The following MYOM1 variants were observed in gnomAD, a reference collection of about 807,000 sequenced individuals.
The protein encoded by MYOM1 is myomesin 1, also known as myomesin-1.
In MYOM1, 164 loss-of-function variants were observed where a neutral mutation model predicts 205.3. That is an observed-to-expected ratio of 0.80 (90% CI 0.70 to 0.91). The LOEUF (loss-of-function observed/expected upper bound fraction) is 0.91. Among genes scored for constraint, MYOM1 ranks in the 40% least tolerant of loss-of-function variants. The pLI, the probability that MYOM1 is intolerant of heterozygous loss-of-function variation, is 0.00. For missense variants in MYOM1, 2,011 were observed against 2,127.3 expected, an observed-to-expected ratio of 0.95 and a Z score of 1.08; for synonymous variants, 772 against 789.4, an observed-to-expected ratio of 0.98 and a Z score of 0.37.
At chr18:3,195,602 C>T (rs1458253044) in intron 2 of MYOM1, among the ~76,000 whole-genome samples, 1 of 152,078 alleles carries the variant, frequency 6.6e-6, no homozygotes, top group East Asian at 1.9e-4. Context: ...AATTTCTCTC[C>T]TGTTTTTCTG....
chr18:3,189,725 C>T lies in MYOM1; in HGVS notation c.432-638G>A, dbSNP rs752169138. Among the ~76,000 whole-genome samples the T allele has an allele frequency of 7.2e-5, 11 of 152,120 alleles. No homozygotes were observed. Among genetic ancestry groups the T allele is most frequent in the Non-Finnish European group, 1.3e-4 (9 of 68,026 alleles). ...AGTTCAGATAAGTTAGATAACTTGG[C>T]CAAGGTCGTCTCACTGGTTGTCTTA... On this transcript the variant is annotated intron_variant, in intron 3 of 37. Coordinates refer to ENST00000356443, the MANE Select transcript of MYOM1 (RefSeq NM_003803.4). This position sits in a 1 kb window ranked among gnomAD's most constrained non-coding sequence, Gnocchi z 4.8.
intron 36 of MYOM1, 112 bp downstream of exon 36, chr18:3,075,342 A>T: frequency 9.5e-7 from 1 of 1,051,612 alleles, no homozygotes; most frequent in Non-Finnish European, 1.4e-6. Context: ...GATTTAAAAA[A>T]GAAAAAAACC....
intron 17 of MYOM1, 31 bp downstream of exon 17, chr18:3,131,344 T>C (rs555898385): frequency 3.5e-5 from 56 of 1,607,388 alleles, no homozygotes; most frequent in Non-Finnish European, 4.2e-5. Context: ...AATCCATTTT[T>C]CCCCCATACA....
chr18:3,098,348 G>T (rs2079332804), intron 25 of MYOM1, among the ~76,000 whole-genome samples: 1 of 152,042 alleles, frequency 6.6e-6, no homozygotes, highest in Non-Finnish European at 1.5e-5. Context: ...CACGATCTCG[G>T]CTCACTGCAA....
chr18:3,207,422 G>A (rs2081137426), intron 2 of MYOM1, among the ~76,000 whole-genome samples: 1 of 152,194 alleles, frequency 6.6e-6, no homozygotes, highest in African/African-American at 2.4e-5. Context: ...GTCTAAGGTT[G>A]TTTCTTTGTG....
rs1210652980 is a variant in MYOM1 at position 3,160,118 on chromosome 18, TTCC to T, written c.1501+4157_1501+4159del. Among the ~76,000 whole-genome samples the T allele has an allele frequency of 1.1e-3, 144 of 133,098 alleles. 1 individual carries two copies. Among genetic ancestry groups the T allele is most frequent in the African/African-American group, 2.9e-3 (99 of 34,582 alleles). The allele number at this position is 133,098 out of a possible 152,430, so 87.3% of individuals were successfully genotyped here. On this transcript the variant is annotated intron_variant, in intron 10 of 37. Transcript: ENST00000356443. ...TCTCCTCCTCCTTCTTCTTCTTCTC[TTCC>T]TCCTCCTCCTCCTCCTTCCTTTCCC...
intron 8 of MYOM1, among the ~76,000 whole-genome samples, 172 bp from the exon 9 acceptor site, chr18:3,169,153 A>C (rs2080517348): frequency 6.6e-6 from 1 of 152,160 alleles, no homozygotes; most frequent in Non-Finnish European, 1.5e-5. Flanking sequence ...GAACATATGC[A>C]TATATCATTT....
At position 3,135,833 on chromosome 18, in the gene MYOM1, G is replaced by T; in HGVS notation, c.2026-103C>A. ...ATTCATCTGCAACAAACCACTCCCT[G>T]TAATGCAAGCTGGACTGGAGGAGAG... On this transcript the variant is annotated intron_variant, in intron 14 of 37. Coordinates refer to ENST00000356443, the MANE Select transcript of MYOM1 (RefSeq NM_003803.4). The surrounding 1 kb of genome is among the most constrained non-coding windows in gnomAD (Gnocchi z 4.1). 1 of 1,252,432 alleles carries T rather than the reference G, an allele frequency of 8.0e-7. No individual in the cohort carries two copies. The highest frequency in any genetic ancestry group is 1.1e-6 in the Non-Finnish European group (1 of 887,932). 77.6% of individuals were successfully genotyped at this position (1,252,432 alleles called of 1,614,324 possible). A position where few individuals can be genotyped will look rare whatever the true frequency, so the allele number is the denominator to read the frequency against.
chr18:3,204,801 A>C (rs927764315), intron 2 of MYOM1, among the ~76,000 whole-genome samples: 2 of 152,068 alleles, frequency 1.3e-5, no homozygotes, highest in Admixed American at 6.5e-5. Context: ...GAGGACTTAC[A>C]TTCACCAGTT....
chr18:3,229,321 G>GC, the MYOM1 span, among the ~76,000 whole-genome samples: 1 of 151,400 alleles, frequency 6.6e-6, no homozygotes, highest in African/African-American at 2.4e-5. Flanking sequence ...CATATCTCTG[G>GC]CATGAGACAT....
chr18:3,142,850 A>T (rs1299366441), intron 13 of MYOM1, among the ~76,000 whole-genome samples: 2 of 152,204 alleles, frequency 1.3e-5, no homozygotes, highest in Non-Finnish European at 2.9e-5. Flanking sequence ...TAGTTTTAGT[A>T]AAGTTTAGGA....
At chr18:3,171,812 C>T (rs990231889) in intron 8 of MYOM1, among the ~76,000 whole-genome samples, 26 of 152,188 alleles carry the variant, frequency 1.7e-4, no homozygotes, top group African/African-American at 5.5e-4. Context: ...CCTACTGTTA[C>T]GGCTGCTTTT....
chr18:3,116,608 A>G (rs2079610271), intron 20 of MYOM1, 93 bp from the exon 21 acceptor site: 1 of 1,125,264 alleles, frequency 8.9e-7, no homozygotes, highest in Non-Finnish European at 1.2e-6. Context: ...AAGCTAATCT[A>G]ACACTGGTGT....
chr18:3,212,680 C>T (rs1194271229), intron 2 of MYOM1, among the ~76,000 whole-genome samples: 1 of 152,302 alleles, frequency 6.6e-6, no homozygotes, highest in Middle Eastern at 3.4e-3. Context: ...AAACCTAGCA[C>T]AAACAGTCCA....
intron 2 of MYOM1, among the ~76,000 whole-genome samples, chr18:3,211,765 T>A (rs2081193209): frequency 6.6e-6 from 1 of 152,200 alleles, no homozygotes. Context: ...AGTAAACTAG[T>A]CATTGTTCCT....
intron 9 of MYOM1, among the ~76,000 whole-genome samples, chr18:3,166,458 G>T (rs9952807): frequency 0.19 from 28,876 of 150,856 alleles, 2,878 homozygotes; most frequent in East Asian, 0.36. Flanking sequence ...GTTTTGTTTT[G>T]TTTTTTTAGT....
chr18:3,150,564 A>G lies in MYOM1; in HGVS notation c.1843+1130T>C, dbSNP rs376236637. Among the ~76,000 whole-genome samples the G allele has an allele frequency of 1.0e-3, 152 of 152,264 alleles. 1 individual carries two copies. Among genetic ancestry groups the G allele is most frequent in the South Asian group, 5.2e-3 (25 of 4,822 alleles). On this transcript the variant is annotated intron_variant, in intron 12 of 37. Transcript: ENST00000356443. Reference sequence around the variant, plus strand: ...TTGCTCAGCCTCCTGCAATGAACAGAACACCCCTAGCCACCTCCCACAACA... The same window carrying G: ...TTGCTCAGCCTCCTGCAATGAACAGGACACCCCTAGCCACCTCCCACAACA...
chr18:3,222,159 G>A (rs1336315180), upstream of MYOM1, among the ~76,000 whole-genome samples: 1 of 152,224 alleles, frequency 6.6e-6, no homozygotes, highest in Non-Finnish European at 1.5e-5. Context: ...GGTATCATGA[G>A]TAAGTGTAAT....
intron 22 of MYOM1, among the ~76,000 whole-genome samples, chr18:3,107,089 T>C (rs2079460899): frequency 6.6e-6 from 1 of 152,218 alleles, no homozygotes; most frequent in South Asian, 2.1e-4. Flanking sequence ...ATAAAAACTA[T>C]TAAAACTATA....
Sources: allele counts gnomAD v4.1 joint callset (sites outside exome capture counted in the v4.1 genomes callset), GRCh38; gene constraint gnomAD v4.1.1; non-coding constraint Gnocchi (gnomAD v3.1); transcripts MANE v1.5; gene names NCBI Gene and HGNC (gene_info 2026-07-23, HGNC 2026-07-21).